The following KIAA0825 variants were observed in gnomAD, a reference collection of about 807,000 sequenced individuals.
KIAA0825 encodes the protein uncharacterized protein KIAA0825.
In KIAA0825, 119 loss-of-function variants were observed where a neutral mutation model predicts 147.6. The ratio of observed to expected loss-of-function variants is 0.81; its 90% confidence interval spans 0.69 to 0.94. The LOEUF (loss-of-function observed/expected upper bound fraction) is 0.94, where lower values mean the gene tolerates loss of function less well. KIAA0825 is among the 40% of genes least tolerant of loss of function. The pLI is 0.00. For synonymous variants in KIAA0825, 470 were observed against 518.1 expected (o/e 0.91, Z 1.26); for missense variants, 1,381 against 1,472.7 (o/e 0.94, Z 1.02).
At chr5:94,439,858 C>G in intron 14 of KIAA0825, 124 bp downstream of exon 14, 1 of 996,868 alleles carries the variant, frequency 1.0e-6, no homozygotes, top group Middle Eastern at 2.5e-4. Context: ...GCTAACCCAG[C>G]TGAATGTTGA....
chr5:94,519,926 T>C (rs1767841733), intron 5 of KIAA0825: 1 of 775,558 alleles, frequency 1.3e-6, no homozygotes, highest in African/African-American at 1.9e-5. Context: ...TAAGCATATA[T>C]ACTCATTTAT....
intron 20 of KIAA0825, among the ~76,000 whole-genome samples, chr5:94,374,133 T>C (rs1325331050): frequency 6.6e-6 from 1 of 152,244 alleles, no homozygotes; most frequent in East Asian, 1.9e-4. Context: ...AAATAGTTTT[T>C]GATCCAGTGC....
At chr5:94,468,505 T>C (rs1760826730) in intron 10 of KIAA0825, among the ~76,000 whole-genome samples, 1 of 152,180 alleles carries the variant, frequency 6.6e-6, no homozygotes, top group African/African-American at 2.4e-5. Flanking sequence ...CATACCACTT[T>C]CTCCTTCTCA....
intron 20 of KIAA0825, among the ~76,000 whole-genome samples, chr5:94,322,897 G>A (rs1350047163): frequency 6.6e-6 from 1 of 151,540 alleles, no homozygotes; most frequent in African/African-American, 2.4e-5. Context: ...AGGACAGCAA[G>A]GGCATTCTGT....
At chr5:94,390,828 A>C (rs184847549) in intron 18 of KIAA0825, among the ~76,000 whole-genome samples, 110 of 152,362 alleles carry the variant, frequency 7.2e-4, no homozygotes, top group African/African-American at 2.6e-3. Flanking sequence ...TTACTATTCC[A>C]AAAATTACAT....
At chr5:94,536,486 C>A (rs1772043535) in intron 3 of KIAA0825, among the ~76,000 whole-genome samples, 1 of 152,136 alleles carries the variant, frequency 6.6e-6, no homozygotes, top group Non-Finnish European at 1.5e-5. Context: ...TAATGAGAAA[C>A]CATTGAGCTG....
Position 94,465,078 on chromosome 5 carries a change from G to A in KIAA0825, c.1873-19C>T, listed in dbSNP as rs1245223116. 11 of 1,547,190 alleles carry A rather than the reference G, an allele frequency of 7.1e-6. No homozygotes were observed. The highest frequency in any genetic ancestry group is 2.4e-5 in the East Asian group (1 of 40,908). The stretch of plus-strand genomic sequence containing the variant: ...TTTCCCCCTGGCAAAGCCAGCACAC[G>A]TTAAACCATAGAGTTACATCTTCTA... On this transcript the variant is annotated intron_variant, in intron 10 of 20. Transcript: ENST00000682413.
intron 1 of KIAA0825, among the ~76,000 whole-genome samples, chr5:94,599,779 G>A (rs1194737104): frequency 6.6e-6 from 1 of 152,144 alleles, no homozygotes; most frequent in Non-Finnish European, 1.5e-5. Context: ...TAAAGCACTA[G>A]TACAAAATCT....
At chr5:94,220,685 A>T (rs1340942318) in intron 20 of KIAA0825, among the ~76,000 whole-genome samples, 1 of 152,210 alleles carries the variant, frequency 6.6e-6, no homozygotes, top group Non-Finnish European at 1.5e-5. Context: ...TGTTTACTGA[A>T]ACATCATTAT....
intron 19 of KIAA0825, among the ~76,000 whole-genome samples, chr5:94,385,655 G>T (rs558828915): frequency 2.0e-4 from 30 of 152,328 alleles, no homozygotes; most frequent in Admixed American, 7.2e-4. Flanking sequence ...ATGCGGCTTA[G>T]ACGATGGCAT....
intron 5 of KIAA0825, among the ~76,000 whole-genome samples, chr5:94,517,536 C>T (rs1038812737): frequency 1.3e-5 from 2 of 151,986 alleles, no homozygotes; most frequent in Non-Finnish European, 2.9e-5. Flanking sequence ...TAGGTCCAAA[C>T]TGCCTTAGCT....
rs142810814 is a variant in KIAA0825 at position 94,559,161 on chromosome 5, T to A, written c.-1-22034A>T. Among the ~76,000 whole-genome samples, 480 of 152,312 alleles carry A rather than the reference T, an allele frequency of 3.2e-3. 3 individuals are homozygous for A. The highest frequency in any genetic ancestry group is 0.011 in the African/African-American group (447 of 41,596). ...GATATTACTTTTTCTTCCCTACACGTGTATTCTTTTAAATACCTTTACTGA... is the reference window on the plus strand; with the variant it reads ...GATATTACTTTTTCTTCCCTACACGAGTATTCTTTTAAATACCTTTACTGA... On this transcript the variant is annotated intron_variant, in intron 2 of 20. Transcript: ENST00000682413.
At chr5:94,277,092 T>C (rs1018657904) in intron 20 of KIAA0825, among the ~76,000 whole-genome samples, 1 of 152,124 alleles carries the variant, frequency 6.6e-6, no homozygotes, top group Non-Finnish European at 1.5e-5. Flanking sequence ...ACATCCATCC[T>C]GGTCTCTCCA....
intron 20 of KIAA0825, among the ~76,000 whole-genome samples, chr5:94,264,770 C>CACAT (rs770793575): frequency 9.9e-5 from 15 of 151,564 alleles, no homozygotes; most frequent in Non-Finnish European, 1.6e-4. Flanking sequence ...TGTTTCATTA[C>CACAT]ACATACATAC....
At chr5:94,531,244 A>T (rs964304877) in intron 3 of KIAA0825, among the ~76,000 whole-genome samples, 2 of 152,350 alleles carry the variant, frequency 1.3e-5, no homozygotes, top group African/African-American at 4.8e-5. Flanking sequence ...CTCCTAAAGC[A>T]GAGGTCTACA....
chr5:94,458,205 T>C (rs1759366377), intron 12 of KIAA0825, among the ~76,000 whole-genome samples: 1 of 152,180 alleles, frequency 6.6e-6, no homozygotes, highest in African/African-American at 2.4e-5. Flanking sequence ...TGCCTAAATG[T>C]CATTAAGTAA....
intron 20 of KIAA0825, among the ~76,000 whole-genome samples, chr5:94,265,760 C>T (rs1448421343): frequency 6.6e-6 from 1 of 152,186 alleles, no homozygotes; most frequent in Admixed American, 6.5e-5. Context: ...GAGATTGCGC[C>T]ATTGCATTCC....
intron 20 of KIAA0825, among the ~76,000 whole-genome samples, chr5:94,342,839 TA>T (rs1354823504): frequency 6.6e-6 from 1 of 152,138 alleles, no homozygotes; most frequent in African/African-American, 2.4e-5. Flanking sequence ...TGCATTAAGA[TA>T]TTTTTTCAAT....
intron 20 of KIAA0825, among the ~76,000 whole-genome samples, chr5:94,367,202 C>T (rs1036832969): frequency 6.6e-6 from 1 of 152,130 alleles, no homozygotes; most frequent in Non-Finnish European, 1.5e-5. Flanking sequence ...GGAACCTCCA[C>T]TTTATTTTTT....
Sources: gnomAD v4.1 joint callset for allele counts (sites outside exome capture counted in the v4.1 genomes callset) on GRCh38, gnomAD v4.1.1 for gene constraint, MANE v1.5 for transcripts, NCBI Gene and HGNC (gene_info 2026-07-23, HGNC 2026-07-21) for gene names.